The following NCALD variants were observed in gnomAD, a reference collection of about 807,000 sequenced individuals.
NCALD encodes the protein neurocalcin delta, also known as neurocalcin-delta.
NCALD carries 10 observed loss-of-function variants against 18.6 expected under a neutral mutation model. That is an observed-to-expected ratio of 0.54 (90% CI 0.33 to 0.91). The LOEUF (loss-of-function observed/expected upper bound fraction) is 0.91, where lower values mean the gene tolerates loss of function less well. NCALD is among the 40% of genes least tolerant of loss of function. The probability of loss-of-function intolerance (pLI) is 0.03; values close to 1 mark genes in which losing one functional copy is unlikely to be tolerated. For synonymous variants in NCALD, 88 were observed against 87.4 expected (o/e 1.01, Z -0.04); for missense variants, 184 against 247.6 (o/e 0.74, Z 1.72).
intron 4 of NCALD, among the ~76,000 whole-genome samples, chr8:101,858,975 C>T (rs1815430989): frequency 6.6e-6 from 1 of 152,148 alleles, no homozygotes; most frequent in Non-Finnish European, 1.5e-5. Flanking sequence ...TGAGTGTCAA[C>T]TTGATTGGAT....
chr8:101,746,631 A>C (rs1350986676), intron 1 of NCALD, among the ~76,000 whole-genome samples: 1 of 152,112 alleles, frequency 6.6e-6, no homozygotes, highest in African/African-American at 2.4e-5. Flanking sequence ...CAATGTTTGC[A>C]AAATGAGCTT....
intron 2 of NCALD, among the ~76,000 whole-genome samples, chr8:102,013,660 T>C (rs1029912140): frequency 6.6e-5 from 10 of 151,056 alleles, no homozygotes; most frequent in Non-Finnish European, 1.3e-4. Context: ...GAACAAGATA[T>C]GTTAAAAAAA....
intron 1 of NCALD, among the ~76,000 whole-genome samples, chr8:102,117,512 C>T (rs1016701709): frequency 6.6e-6 from 1 of 152,124 alleles, no homozygotes; most frequent in African/African-American, 2.4e-5. Context: ...AGGGAACGAT[C>T]CTCTCCCTTC....
chr8:101,975,462 C>G (rs549129302), intron 2 of NCALD: 1 of 152,194 alleles, frequency 6.6e-6, no homozygotes, highest in Non-Finnish European at 1.5e-5. Flanking sequence ...GCTGGGGCCT[C>G]ACTGTGAGTG....
chr8:101,817,325 C>G (rs1392972521), intron 4 of NCALD, among the ~76,000 whole-genome samples: 2 of 152,188 alleles, frequency 1.3e-5, no homozygotes, highest in Non-Finnish European at 2.9e-5. Flanking sequence ...AGGATGCCAT[C>G]CTCTTCACAG....
At chr8:102,050,227 A>C (rs1823396483) in intron 1 of NCALD, among the ~76,000 whole-genome samples, 1 of 148,022 alleles carries the variant, frequency 6.8e-6, no homozygotes, top group Non-Finnish European at 1.5e-5. Context: ...GAGTTCTAAA[A>C]ATTCTTTGTA....
At position 101,891,648 on chromosome 8, in the gene NCALD, G is replaced by T. The variant is rs973916340; in HGVS notation, c.-106-4421C>A. Among the ~76,000 whole-genome samples, 22 of 152,346 alleles carry T rather than the reference G, an allele frequency of 1.4e-4. 1 individual carries two copies. Among genetic ancestry groups the T allele is most frequent in the Admixed American group, 1.2e-3 (18 of 15,312 alleles). On this transcript the variant is annotated intron_variant, in intron 3 of 6. Coordinates refer to the NCALD transcript ENST00000311028. Reference sequence around the variant, plus strand: ...TGCCAGACAGTGGGCGCAGGCCAGTGGGTGCGTGCACCGAGTGCGAGCCGA... The same window carrying T: ...TGCCAGACAGTGGGCGCAGGCCAGTTGGTGCGTGCACCGAGTGCGAGCCGA...
intron 4 of NCALD, among the ~76,000 whole-genome samples, chr8:101,841,614 C>A (rs1033372065): frequency 6.6e-6 from 1 of 152,144 alleles, no homozygotes; most frequent in Non-Finnish European, 1.5e-5. Flanking sequence ...AGGCTGATAA[C>A]CATTGTTCTT....
intron 4 of NCALD, among the ~76,000 whole-genome samples, chr8:101,823,924 C>T (rs2131205970): frequency 6.6e-6 from 1 of 152,300 alleles, no homozygotes; most frequent in Admixed American, 6.5e-5. Flanking sequence ...AATGCACTAG[C>T]TTATTTATTG....
chr8:101,836,815 CTGTT>C (rs1814432205), intron 4 of NCALD, among the ~76,000 whole-genome samples: 1 of 152,156 alleles, frequency 6.6e-6, no homozygotes, highest in African/African-American at 2.4e-5. Flanking sequence ...CCCTAATTCT[CTGTT>C]TGTGATTGTC....
chr8:101,797,127 G>A (rs1455269898), intron 4 of NCALD, among the ~76,000 whole-genome samples: 1 of 152,150 alleles, frequency 6.6e-6, no homozygotes, highest in Non-Finnish European at 1.5e-5. Context: ...GATGTCCTTG[G>A]GCACATGTTA....
At chr8:101,878,227 A>G (rs1816312262) in intron 4 of NCALD, among the ~76,000 whole-genome samples, 1 of 152,240 alleles carries the variant, frequency 6.6e-6, no homozygotes, top group Non-Finnish European at 1.5e-5. Flanking sequence ...TTCTTGAACC[A>G]CTGAAAGTGA....
chr8:101,854,423 A>G (rs548608639), intron 4 of NCALD, among the ~76,000 whole-genome samples: 1 of 152,182 alleles, frequency 6.6e-6, no homozygotes, highest in East Asian at 1.9e-4. Flanking sequence ...CCTGAAGTGC[A>G]TGGGTCAGAA....
chr8:101,720,994 C>A (rs1332009039), intron 1 of NCALD, among the ~76,000 whole-genome samples: 1 of 152,054 alleles, frequency 6.6e-6, no homozygotes, highest in African/African-American at 2.4e-5. Flanking sequence ...GTGAAAGTAC[C>A]TGGAAAAATG....
At chr8:102,082,266 T>A (rs1411458258) in intron 1 of NCALD, among the ~76,000 whole-genome samples, 1 of 129,270 alleles carries the variant, frequency 7.7e-6, no homozygotes, top group African/African-American at 2.9e-5. Context: ...GGAGTCTCGC[T>A]CTGTCGCCCA....
chr8:101,927,447 C>A (rs767592542), intron 2 of NCALD, among the ~76,000 whole-genome samples: 7 of 152,142 alleles, frequency 4.6e-5, no homozygotes, highest in Non-Finnish European at 8.8e-5. Flanking sequence ...GAAGGGTCTG[C>A]GTGTGATGAA....
chr8:101,845,523 CTCTT>C (rs1814831725), intron 4 of NCALD, among the ~76,000 whole-genome samples: 1 of 152,168 alleles, frequency 6.6e-6, no homozygotes, highest in African/African-American at 2.4e-5. Flanking sequence ...ATTTCAAATA[CTCTT>C]TCTTTTTCAT....
At chr8:102,022,757 C>A (rs1822318730) in intron 1 of NCALD, among the ~76,000 whole-genome samples, 1 of 152,138 alleles carries the variant, frequency 6.6e-6, no homozygotes, top group South Asian at 2.1e-4. Context: ...AGACCAAAAA[C>A]CATTCTTTTC....
intron 1 of NCALD, among the ~76,000 whole-genome samples, chr8:102,051,381 G>A (rs181304940): frequency 7.2e-5 from 11 of 152,304 alleles, no homozygotes; most frequent in African/African-American, 1.4e-4. Context: ...GTCTCAGTAC[G>A]TGGTACCTAT....
Sources: gnomAD v4.1 joint callset for allele counts (sites outside exome capture counted in the v4.1 genomes callset) on GRCh38, gnomAD v4.1.1 for gene constraint, MANE v1.5 for transcripts, NCBI Gene and HGNC (gene_info 2026-07-23, HGNC 2026-07-21) for gene names.